LAMA5: variants seen among roughly 807,000 people sequenced by gnomAD.
LAMA5 encodes laminin subunit alpha-5.
In LAMA5, 260 loss-of-function variants were observed where a neutral mutation model predicts 433.4. The ratio of observed to expected loss-of-function variants is 0.60; its 90% confidence interval spans 0.54 to 0.66. The LOEUF (loss-of-function observed/expected upper bound fraction) is 0.66. LAMA5 is among the 30% of genes least tolerant of loss of function. LAMA5 has a pLI of 0.00. For missense variants in LAMA5, 5,378 were observed against 5,258.5 expected, an observed-to-expected ratio of 1.02 and a Z score of -0.70; for synonymous variants, 2,620 against 2,226.6, an observed-to-expected ratio of 1.18 and a Z score of -4.97.
At chr20:62,337,517 C>T (rs1021088561) in intron 16 of LAMA5, 73 bp downstream of exon 16, 22 of 1,535,122 alleles carry the variant, frequency 1.4e-5, no homozygotes, top group Non-Finnish European at 1.8e-5. Flanking sequence ...CACAGGAAGG[C>T]AGGCAGCGTG....
At position 62,311,598 on chromosome 20, in the gene LAMA5, C is replaced by A; in HGVS notation, c.9806+16G>T. 6 of 1,607,146 alleles carry A rather than the reference C, an allele frequency of 3.7e-6. No individual in the cohort carries two copies. Among genetic ancestry groups the A allele is most frequent in the Non-Finnish European group, 5.1e-6 (6 of 1,177,804 alleles). ...GGCCAGCTGGGACCTTGTCCCCCAG[C>A]GCCCACCAGGCTCACCGCTGCACGA... On this transcript the variant is annotated intron_variant, in intron 71 of 79. Transcript: ENST00000252999.
rs1344513395 is a variant in LAMA5, at chr20:62,309,118, C to CA, written c.*217dup. On this transcript the variant is annotated 3_prime_UTR_variant, in exon 80 of 80. Coordinates refer to ENST00000252999, the MANE Select transcript of LAMA5 (RefSeq NM_005560.6). ...AGGAGGAACCAGTGATGATTGGTGA[C>CA]AAATCTCTCACAATTAAAAATGGGT... 6.6e-6 allele frequency: 4 copies of CA among 608,580 alleles called. No individual in the cohort carries two copies. In the East Asian group the frequency reaches 1.2e-4, roughly 18 times the overall value. The allele number at this position is 608,580 out of a possible 1,614,324, so 37.7% of individuals were successfully genotyped here. A position where few individuals can be genotyped will look rare whatever the true frequency, so the allele number is the denominator to read the frequency against.
Position 62,316,910 on chromosome 20 carries a change from G to C in LAMA5, c.7625C>G (p.Ala2542Gly), listed in dbSNP as rs749582634. 5.8e-6 allele frequency: 9 copies of C among 1,542,624 alleles called. No homozygotes were observed. The highest frequency in any genetic ancestry group is 5.3e-6 in the Non-Finnish European group (6 of 1,142,768). The change falls in exon 56 of 80, where the codon GCC becomes GGC. Residue 2542 changes from alanine (A) to glycine (G), a missense_variant. Transcript: ENST00000252999. ...VQAAEDAAGQ[A>G]LQQADHTWAT... ...CCACGTGTGGTCCGCCTGCTGCAGG[G>C]CCTGGCCAGCAGCATCCTCGGCAGC...
Position 62,346,556 on chromosome 20 carries a change from C to T in LAMA5, c.1232G>A (p.Gly411Asp). The T allele has an allele frequency of 6.4e-7, 1 of 1,564,662 alleles. No homozygotes were observed. The highest frequency in any genetic ancestry group is 1.4e-5 in the African/African-American group (1 of 73,714). ...AGGGTGGTTGGGAGAGCGGTAGAAG[C>T]CGGGCAGGCAGCGCTCACAGTTGAC... is the stretch of plus-strand genomic sequence containing the variant. ...TGVNCERCLP[G>D]FYRSPNHPLD... Residue 411 changes from glycine (G) to aspartate (D), a missense_variant, in exon 9 of 80, where the codon GGC becomes GAC. Coordinates refer to ENST00000252999, the MANE Select transcript of LAMA5 (RefSeq NM_005560.6).
rs1286019653 is a variant in LAMA5 at position 62,310,725 on chromosome 20, G to C, written c.10386C>G (p.Pro3462=). ...CGCCCACAAAGAGGGTGTGGGGCTG[G>C]GGGTGCTCTGCCCCCTGGTGCTGCC... is the stretch of plus-strand genomic sequence containing the variant. The part of the protein sequence containing the change: ...PHRQHQGAEH[P]QPHTLFVGGL... The change falls in exon 75 of 80, where the codon CCC becomes CCG. Residue 3462 remains proline (P), a synonymous_variant. Transcript: ENST00000252999. 1 of 1,593,998 alleles carries C rather than the reference G, an allele frequency of 6.3e-7. No individual in the cohort carries two copies. The highest frequency in any genetic ancestry group is 8.5e-7 in the Non-Finnish European group (1 of 1,173,510).
rs1471277880 is a variant in LAMA5, at chr20:62,314,385, T to C, written c.8423A>G (p.Tyr2808Cys). ...TGCAGGGCCCGCCTCACCCAGCTGA[T>C]ACACCCAGTGCACCTTCTTGTCACG... ...SLRDKKVHWV[Y>C]QLGEAGPAVL... Residue 2808 changes from tyrosine (Y) to cysteine (C), a missense_variant, in exon 62 of 80, where the codon TAT becomes TGT. Transcript: ENST00000252999. The C allele has an allele frequency of 6.2e-7, 1 of 1,613,462 alleles. No homozygotes were observed. Among genetic ancestry groups the C allele is most frequent in the Non-Finnish European group, 8.5e-7 (1 of 1,179,944 alleles).
Position 62,334,220 on chromosome 20 carries a change from C to T in LAMA5, c.2705G>A (p.Ser902Asn). 1 of 1,612,948 alleles carries T rather than the reference C, an allele frequency of 6.2e-7. No homozygotes were observed. Among genetic ancestry groups the T allele is most frequent in the Non-Finnish European group, 8.5e-7 (1 of 1,179,906 alleles). ...TGCCATCTGCGCGTAGCCCCTCCAG[C>T]TGAAGTTCTCGAACTCGAGGGGGTT... is the stretch of plus-strand genomic sequence containing the variant. ...GFNPLEFENF[S>N]WRGYAQMAPV... is the part of the protein sequence containing the mutation. The change falls in exon 22 of 80, where the codon AGC becomes AAC. Residue 902 changes from serine (S) to asparagine (N), a missense_variant. By Grantham distance (46) the Ser-to-Asn change is conservative. Transcript: ENST00000252999.
Position 62,330,901 on chromosome 20 carries a change from T to C in LAMA5, c.3694A>G (p.Ile1232Val), listed in dbSNP as rs1336557252. ...PSRFPKPPQPIILRDCQVIPL... is the reference protein window; with the variant it reads ...PSRFPKPPQPVILRDCQVIPL... The stretch of plus-strand genomic sequence containing the variant: ...ATCACCTGGCAGTCCCTGAGGATGA[T>C]GGGCTGGGGCGGCTTTGGGAAGCGC... Residue 1232 changes from isoleucine to valine, a missense_variant, in exon 30 of 80, where the codon ATC (isoleucine) becomes GTC (valine). Transcript: ENST00000252999. 5.2e-6 allele frequency: 8 copies of C among 1,547,340 alleles called. No individual in the cohort carries two copies. The highest frequency in any genetic ancestry group is 4.4e-6 in the Non-Finnish European group (5 of 1,145,830).
intron 43 of LAMA5, 83 bp downstream of exon 43, chr20:62,323,997 G>A: frequency 7.0e-7 from 1 of 1,421,352 alleles, no homozygotes; most frequent in Non-Finnish European, 9.3e-7. Context: ...GGCCTCTGCA[G>A]AGGGCAGTGG....
At chr20:62,313,517 G>A (rs1467049333) in intron 63 of LAMA5, 57 bp from the exon 64 acceptor site, 5 of 1,555,326 alleles carry the variant, frequency 3.2e-6, no homozygotes, top group East Asian at 2.3e-5. Flanking sequence ...CCTCCAGGAT[G>A]GACCAAGGGG....
chr20:62,367,136 T>TCCCGCG lies in LAMA5; in HGVS notation c.104_109dup (p.Ala35_Arg36dup), dbSNP rs1161413504. On this transcript the variant is annotated inframe_insertion, in exon 1 of 80. Transcript: ENST00000252999. ...CAGGCTGAAGCCGCCGCCCGCCTCCTCCCGCGCCCGCGCCGCGCCCAGCAG... is the reference window on the plus strand; with the variant it reads ...CAGGCTGAAGCCGCCGCCCGCCTCCTCCCGCGCCCGCGCCCGCGCCGCGCCCAGCAG... 7.9e-6 allele frequency: 10 copies of TCCCGCG among 1,271,786 alleles called. No homozygotes were observed. The highest frequency in any genetic ancestry group is 3.0e-4 in the Middle Eastern group (1 of 3,320). 78.8% of individuals were successfully genotyped at this position (1,271,786 alleles called of 1,614,324 possible).
rs1601428134 is a variant in LAMA5 at position 62,359,718 on chromosome 20, G to A, written c.450+2682C>T. Among the ~76,000 whole-genome samples the A allele has an allele frequency of 6.6e-6, 1 of 152,104 alleles. No homozygotes were observed. The highest frequency in any genetic ancestry group is 2.1e-4 in the South Asian group (1 of 4,812). On this transcript the variant is annotated intron_variant, in intron 2 of 79. Transcript: ENST00000252999. This position sits in a 1 kb window ranked among gnomAD's most constrained non-coding sequence, Gnocchi z 4.3. The stretch of plus-strand genomic sequence containing the variant: ...TTGGAGAGAGAACCCCTCCACGGCT[G>A]GGCGCAGCGGGACCCAGGCCAGGAG...
rs779119327 is a variant in LAMA5, at chr20:62,313,817, G to A, written c.8505-15C>T. The stretch of plus-strand genomic sequence containing the variant: ...ACTGGAGAGTCCTGAGGGCAGAGGC[G>A]AGGGGTGGCGAGTGGGCACGGAGAG... On this transcript the variant is annotated splice_polypyrimidine_tract_variant and intron_variant, in intron 62 of 79. Transcript: ENST00000252999. The A allele has an allele frequency of 2.5e-6, 4 of 1,611,270 alleles. No homozygotes were observed. The highest frequency in any genetic ancestry group is 2.2e-5 in the South Asian group (2 of 90,998).
chr20:62,332,383 G>A lies in LAMA5; in HGVS notation c.3541C>T (p.Arg1181Cys), dbSNP rs73598381. ...TGAGGGGTCCTTACCAGGAAGAAGCGTGCCTGTTCGGCTGTGAGCCTCACG... is the reference window on the plus strand; with the variant it reads ...TGAGGGGTCCTTACCAGGAAGAAGCATGCCTGTTCGGCTGTGAGCCTCACG... Reference protein sequence around the residue: ...ASVRLTAEQARFFLHGVTLVP... With the variant: ...ASVRLTAEQACFFLHGVTLVP... Residue 1181 changes from arginine to cysteine, a missense_variant, in exon 28 of 80, where the codon CGC (arginine) becomes TGC (cysteine). By Grantham distance (180) the Arg-to-Cys change is radical. Coordinates refer to ENST00000252999, the MANE Select transcript of LAMA5 (RefSeq NM_005560.6). 4.6e-5 allele frequency: 74 copies of A among 1,611,528 alleles called. No homozygotes were observed. In the East Asian group the frequency reaches 1.3e-3, roughly 29 times the overall value.
intron 11 of LAMA5, among the ~76,000 whole-genome samples, chr20:62,339,399 G>A (rs957595289): frequency 1.1e-4 from 17 of 151,808 alleles, no homozygotes; most frequent in African/African-American, 2.4e-4. Context: ...TGCCACGCCC[G>A]GCTAATTTTT....
chr20:62,351,948 G>A lies in LAMA5; in HGVS notation c.819C>T (p.Leu273=), dbSNP rs1984380450. Residue 273 remains leucine, a synonymous_variant, in exon 5 of 80, where the codon CTC becomes CTT. Coordinates refer to ENST00000252999, the MANE Select transcript of LAMA5 (RefSeq NM_005560.6). ...FLRTNTLLGH[L]MGKALRDPTV... The stretch of plus-strand genomic sequence containing the variant: ...TGGGGTCCCGCAGCGCCTTCCCCAT[G>A]AGATGGCCCAGCAGCGTGTTGGTAC... 1 of 1,611,780 alleles carries A rather than the reference G, an allele frequency of 6.2e-7. No individual in the cohort carries two copies. The highest frequency in any genetic ancestry group is 8.5e-7 in the Non-Finnish European group (1 of 1,179,610).
At chr20:62,365,284 G>C (rs1417129302) in intron 1 of LAMA5, among the ~76,000 whole-genome samples, 1 of 152,150 alleles carries the variant, frequency 6.6e-6, no homozygotes, top group Non-Finnish European at 1.5e-5. Flanking sequence ...CAGGCTCCTC[G>C]GGCCAAGCTC....
Position 62,327,976 on chromosome 20 carries a change from T to C in LAMA5, c.4687A>G (p.Thr1563Ala), listed in dbSNP as rs1979617320. 6.2e-7 allele frequency: 1 copy of C among 1,612,048 alleles called. No individual in the cohort carries two copies. Among genetic ancestry groups the C allele is most frequent in the Non-Finnish European group, 8.5e-7 (1 of 1,179,852 alleles). The stretch of plus-strand genomic sequence containing the variant: ...TAGCCATGGAAGCCCGGAGAGCAGG[T>C]ATCACAGCGGCGCCCAGTCACGTTG... ...RPNVTGRRCDTCSPGFHGYPR... is the reference protein window; with the variant it reads ...RPNVTGRRCDACSPGFHGYPR... Residue 1563 changes from threonine (T) to alanine (A), a missense_variant, in exon 36 of 80, where the codon ACC (threonine) becomes GCC (alanine). Transcript: ENST00000252999.
rs529618782 is a variant in LAMA5 at position 62,309,171 on chromosome 20, C to T, written c.*165G>A. ...AAGGGCCAAATATAAAAACATTTTGCAGTATTTTATTCTTTCGTTTAAGAA... is the reference window on the plus strand; with the variant it reads ...AAGGGCCAAATATAAAAACATTTTGTAGTATTTTATTCTTTCGTTTAAGAA... On this transcript the variant is annotated 3_prime_UTR_variant, in exon 80 of 80. Coordinates refer to ENST00000252999, the MANE Select transcript of LAMA5 (RefSeq NM_005560.6). 3.7e-4 allele frequency: 256 copies of T among 701,236 alleles called. No homozygotes were observed. Among genetic ancestry groups the T allele is most frequent in the South Asian group, 6.9e-4 (29 of 41,898 alleles). 43.4% of individuals were successfully genotyped at this position (701,236 alleles called of 1,614,324 possible).
Sources: allele counts gnomAD v4.1 joint callset (sites outside exome capture counted in the v4.1 genomes callset), GRCh38; gene constraint gnomAD v4.1.1; non-coding constraint Gnocchi (gnomAD v3.1); transcripts MANE v1.5; gene names NCBI Gene and HGNC (gene_info 2026-07-23, HGNC 2026-07-21).